Variants in SHQ1 observed in about 807,000 individuals in gnomAD.
SHQ1 encodes protein SHQ1 homolog.
A neutral mutation model predicts 53.8 loss-of-function variants in SHQ1; 49 were observed. The ratio of observed to expected loss-of-function variants is 0.91; its 90% CI spans 0.72 to 1.16. The LOEUF is 1.16. Among genes scored for constraint, SHQ1 ranks in the 50% most tolerant of loss-of-function variants. SHQ1 has a pLI of 0.00. For synonymous variants in SHQ1, 243 were observed against 251.0 expected, an observed-to-expected ratio of 0.97 and a Z score of 0.30; for missense variants, 738 against 683.1, an observed-to-expected ratio of 1.08 and a Z score of -0.90.
chr3:72,791,875 GC>G (rs1472322636), intron 10 of SHQ1, among the ~76,000 whole-genome samples: 1 of 152,122 alleles, frequency 6.6e-6, no homozygotes, highest in Non-Finnish European at 1.5e-5. Context: ...TTAATTAATA[GC>G]CTCTTGCTAC....
At chr3:72,801,734 G>A (rs1706795540) in intron 9 of SHQ1, among the ~76,000 whole-genome samples, 2 of 151,964 alleles carry the variant, frequency 1.3e-5, no homozygotes, top group African/African-American at 4.8e-5. Flanking sequence ...TTAATCAATG[G>A]ATAATAAATA....
intron 10 of SHQ1, among the ~76,000 whole-genome samples, chr3:72,756,841 G>A (rs1705505796): frequency 6.6e-6 from 1 of 152,216 alleles, no homozygotes; most frequent in African/African-American, 2.4e-5. Flanking sequence ...CTGCAGACAA[G>A]TTATGCTACA....
intron 9 of SHQ1, among the ~76,000 whole-genome samples, chr3:72,796,275 G>A (rs1048718237): frequency 6.6e-6 from 1 of 152,116 alleles, no homozygotes; most frequent in African/African-American, 2.4e-5. Flanking sequence ...GACAGACTGA[G>A]TGAGAACGTC....
chr3:72,751,052 A>T (rs983307959), intron 10 of SHQ1, among the ~76,000 whole-genome samples: 7 of 152,220 alleles, frequency 4.6e-5, no homozygotes. Flanking sequence ...AAGAAGGAGG[A>T]AGACTTTTCT....
intron 10 of SHQ1, among the ~76,000 whole-genome samples, chr3:72,777,526 G>A (rs940090982): frequency 6.6e-6 from 1 of 152,194 alleles, no homozygotes; most frequent in East Asian, 1.9e-4. Flanking sequence ...TTGTCAAATC[G>A]TAAAATCTGA....
chr3:72,726,549 G>T, the SHQ1 span, among the ~76,000 whole-genome samples: 98,856 of 151,860 alleles, frequency 0.65, 32,504 homozygotes, highest in East Asian at 0.9. Context: ...ACGGGGTTTT[G>T]CCATGTTGGC....
chr3:72,844,233 A>G (rs1220307741), intron 2 of SHQ1, 126 bp downstream of exon 2: 2 of 744,600 alleles, frequency 2.7e-6, no homozygotes, highest in East Asian at 5.5e-5. Context: ...AGAAACAAGA[A>G]AGAGTGATAG....
downstream of SHQ1, among the ~76,000 whole-genome samples, chr3:72,747,524 C>A (rs1003492315): frequency 6.6e-6 from 1 of 152,152 alleles, no homozygotes; most frequent in Non-Finnish European, 1.5e-5. Context: ...TAGGGAAGGA[C>A]AATCAAGGCA....
chr3:72,783,843 CTT>C (rs1273767627), intron 10 of SHQ1, among the ~76,000 whole-genome samples: 1 of 152,026 alleles, frequency 6.6e-6, no homozygotes, highest in Non-Finnish European at 1.5e-5. Flanking sequence ...CATTTAAGCT[CTT>C]GAATAACCAA....
rs61712558 is a variant in SHQ1, at chr3:72,774,429, A to G, written c.1181+18487T>C. Among the ~76,000 whole-genome samples, 827 of 149,712 alleles carry G rather than the reference A, an allele frequency of 5.5e-3. 8 individuals are homozygous for G. Among genetic ancestry groups the G allele is most frequent in the African/African-American group, 0.02 (768 of 39,192 alleles). On this transcript the variant is annotated intron_variant, in intron 10 of 10. Transcript: ENST00000325599. ...AAACCAAAAGTGTATGAAAACTGAC[A>G]CCATTCTAGACATAAAATTAATCTC...
the SHQ1 span, among the ~76,000 whole-genome samples, chr3:72,732,206 T>C: frequency 2.0e-5 from 3 of 151,592 alleles, no homozygotes; most frequent in South Asian, 4.2e-4. Flanking sequence ...GGAAGCCCCG[T>C]GCAGGCCTGG....
intron 10 of SHQ1, 146 bp from the exon 11 acceptor site, chr3:72,750,982 A>AT (rs1705353942): frequency 5.0e-6 from 3 of 604,770 alleles, no homozygotes; most frequent in Non-Finnish European, 7.9e-6. Flanking sequence ...CAAGATATTT[A>AT]TGTAAAAAAT....
At chr3:72,828,833 C>G (rs988252077) in intron 5 of SHQ1, among the ~76,000 whole-genome samples, 1 of 152,010 alleles carries the variant, frequency 6.6e-6, no homozygotes, top group Admixed American at 6.6e-5. Flanking sequence ...AGAGAAATTG[C>G]GATGACACAC....
chr3:72,773,337 G>A, intron 10 of SHQ1: 1 of 580,640 alleles, frequency 1.7e-6, no homozygotes, highest in Non-Finnish European at 3.3e-6. Flanking sequence ...AAAAAAATGA[G>A]TATACTCCAA....
At chr3:72,780,343 A>T (rs1706046132) in intron 10 of SHQ1, among the ~76,000 whole-genome samples, 1 of 152,204 alleles carries the variant, frequency 6.6e-6, no homozygotes, top group Non-Finnish European at 1.5e-5. Context: ...CATTAAGTGA[A>T]GTCCTTTTAA....
intron 10 of SHQ1, among the ~76,000 whole-genome samples, chr3:72,756,604 G>A (rs147525311): frequency 1.2e-3 from 187 of 152,200 alleles, no homozygotes; most frequent in African/African-American, 4.3e-3. Flanking sequence ...ATCTAAGTGA[G>A]GATCACCTAC....
At chr3:72,764,495 C>T (rs189857893) in intron 10 of SHQ1, among the ~76,000 whole-genome samples, 315 of 152,226 alleles carry the variant, frequency 2.1e-3, no homozygotes, top group Non-Finnish European at 3.2e-3. Context: ...AAAACTAAAC[C>T]GAAGTGAAAA....
chr3:72,777,356 A>G lies in SHQ1; in HGVS notation c.1181+15560T>C, dbSNP rs76123216. 5.1e-3 allele frequency among the ~76,000 whole-genome samples: 782 copies of G among 152,322 alleles called. 10 individuals are homozygous for G. The highest frequency in any genetic ancestry group is 0.018 in the African/African-American group (752 of 41,582). Reference sequence around the variant, plus strand: ...GAAGGAATCCTATAAATCAAAAAGAAAGGAAGTCCTATTGAAAAACAGGGG... The same window carrying G: ...GAAGGAATCCTATAAATCAAAAAGAGAGGAAGTCCTATTGAAAAACAGGGG... On this transcript the variant is annotated intron_variant, in intron 10 of 10. Coordinates refer to ENST00000325599, the MANE Select transcript of SHQ1 (RefSeq NM_018130.3).
intron 10 of SHQ1, among the ~76,000 whole-genome samples, chr3:72,758,314 C>A (rs1447006026): frequency 1.3e-5 from 2 of 152,162 alleles, no homozygotes; most frequent in Admixed American, 6.5e-5. Context: ...AGGCTGCAAG[C>A]TAAAGAGTTA....
Sources: allele counts gnomAD v4.1 joint callset (sites outside exome capture counted in the v4.1 genomes callset), GRCh38; gene constraint gnomAD v4.1.1; transcripts MANE v1.5; gene names NCBI Gene and HGNC (gene_info 2026-07-23, HGNC 2026-07-21).